The following CCSER2 variants were observed in gnomAD, a reference collection of about 807,000 sequenced individuals.
CCSER2 encodes serine-rich coiled-coil domain-containing protein 2.
CCSER2 carries 46 observed loss-of-function variants against 92.3 expected under a neutral mutation model. The ratio of observed to expected loss-of-function variants is 0.50; its 90% CI spans 0.39 to 0.64. CCSER2 has a LOEUF of 0.64. Ranked by LOEUF, CCSER2 falls within the 30% of genes least tolerant of loss-of-function variation. CCSER2 has a pLI of 0.00. For missense variants in CCSER2, 1,244 were observed against 1,238.9 expected (o/e 1.00, Z -0.06); for synonymous variants, 433 against 431.4 (o/e 1.00, Z -0.04).
At chr10:84,385,955 A>G (rs930701517) in intron 3 of CCSER2, among the ~76,000 whole-genome samples, 2 of 152,208 alleles carry the variant, frequency 1.3e-5, no homozygotes, top group Non-Finnish European at 2.9e-5. Flanking sequence ...AAGAAGACAT[A>G]CAAGCAGCCA....
chr10:84,481,627 C>T (rs541134921), intron 9 of CCSER2, among the ~76,000 whole-genome samples: 62 of 152,174 alleles, frequency 4.1e-4, no homozygotes, highest in African/African-American at 9.9e-4. Context: ...TTTCTACTAC[C>T]GTAGGGAGTT....
chr10:84,367,818 T>C (rs1845860260), intron 1 of CCSER2, among the ~76,000 whole-genome samples: 1 of 152,152 alleles, frequency 6.6e-6, no homozygotes. Flanking sequence ...GGCTTTTGTT[T>C]CATTAGATGC....
intron 1 of CCSER2, among the ~76,000 whole-genome samples, chr10:84,355,520 C>G (rs1845118986): frequency 6.6e-6 from 1 of 152,156 alleles, no homozygotes. Context: ...TTTTGTTCCC[C>G]CATGTGCTAC....
At chr10:84,410,097 C>G (rs1394731396) in intron 3 of CCSER2, among the ~76,000 whole-genome samples, 4 of 152,124 alleles carry the variant, frequency 2.6e-5, no homozygotes, top group African/African-American at 9.7e-5. Flanking sequence ...TGATCTCATT[C>G]CATTTTGTGG....
chr10:84,365,741 A>G (rs535420596), intron 1 of CCSER2, among the ~76,000 whole-genome samples: 4 of 152,186 alleles, frequency 2.6e-5, no homozygotes, highest in Non-Finnish European at 5.9e-5. Flanking sequence ...TAGGCAGGAA[A>G]ATAGAGGCAT....
chr10:84,444,620 C>G (rs1844795118), intron 6 of CCSER2, among the ~76,000 whole-genome samples: 1 of 152,096 alleles, frequency 6.6e-6, no homozygotes, highest in Admixed American at 6.6e-5. Flanking sequence ...TGAGGGACAG[C>G]AGGGAGAAGA....
intron 6 of CCSER2, among the ~76,000 whole-genome samples, chr10:84,454,430 G>A (rs1451159451): frequency 1.3e-5 from 2 of 152,200 alleles, no homozygotes; most frequent in Admixed American, 6.5e-5. Context: ...CATCATTCAA[G>A]CTAGTGCAGT....
At chr10:84,405,415 T>C (rs1459084654) in intron 3 of CCSER2, among the ~76,000 whole-genome samples, 1 of 152,184 alleles carries the variant, frequency 6.6e-6, no homozygotes, top group Non-Finnish European at 1.5e-5. Flanking sequence ...TGAAAAGTTA[T>C]TAGAAATTAT....
At chr10:84,475,928 G>A (rs1005672393) in intron 8 of CCSER2, among the ~76,000 whole-genome samples, 1 of 151,958 alleles carries the variant, frequency 6.6e-6, no homozygotes, top group African/African-American at 2.4e-5. Context: ...AACCTCCCAA[G>A]CTCAGGTGAT....
chr10:84,470,303 C>T, intron 7 of CCSER2, 69 bp from the exon 8 acceptor site: 1 of 899,982 alleles, frequency 1.1e-6, no homozygotes, highest in South Asian at 2.7e-5. Flanking sequence ...ACTGTGTCTT[C>T]ATCATTGATT....
chr10:84,459,746 A>G (rs968689208), intron 6 of CCSER2, among the ~76,000 whole-genome samples: 1 of 151,410 alleles, frequency 6.6e-6, no homozygotes, highest in African/African-American at 2.4e-5. Flanking sequence ...ATGGTCTTGA[A>G]CTCTTGGGCT....
rs145224894 is a variant in CCSER2, at chr10:84,435,089, T to G, written c.1869-3423T>G. ...TCAGTACTAAGAGAAAATACAGGGTTAATTTTGAATCTCATGGTGGAGGTA... is the reference window on the plus strand; with the variant it reads ...TCAGTACTAAGAGAAAATACAGGGTGAATTTTGAATCTCATGGTGGAGGTA... On this transcript the variant is annotated intron_variant, in intron 5 of 9. Coordinates refer to ENST00000372088, the MANE Select transcript of CCSER2 (RefSeq NM_001284240.2). 6.6e-5 allele frequency among the ~76,000 whole-genome samples: 10 copies of G among 152,308 alleles called. No individual in the cohort carries two copies. In the East Asian group the frequency reaches 1.7e-3, roughly 26 times the overall value.
At chr10:84,450,946 G>A (rs1025765119) in intron 6 of CCSER2, among the ~76,000 whole-genome samples, 1 of 152,194 alleles carries the variant, frequency 6.6e-6, no homozygotes, top group Non-Finnish European at 1.5e-5. Context: ...TACAATTTGA[G>A]TGTATGGTGT....
At chr10:84,331,273 G>A (rs192060977) in intron 1 of CCSER2, among the ~76,000 whole-genome samples, 1 of 152,170 alleles carries the variant, frequency 6.6e-6, no homozygotes, top group Non-Finnish European at 1.5e-5. Context: ...TTTTCAGAGG[G>A]AGTGCAAATC....
At chr10:84,495,724 T>A (rs1848410351) in intron 9 of CCSER2, among the ~76,000 whole-genome samples, 1 of 151,844 alleles carries the variant, frequency 6.6e-6, no homozygotes, top group African/African-American at 2.4e-5. Flanking sequence ...TGGGTATTCT[T>A]TTTGCTCTGA....
At chr10:84,410,316 C>T (rs148539321) in intron 3 of CCSER2, among the ~76,000 whole-genome samples, 8 of 152,024 alleles carry the variant, frequency 5.3e-5, no homozygotes, top group African/African-American at 1.9e-4. Context: ...CATGTCTGCC[C>T]CTAGGTCTTT....
intron 8 of CCSER2, among the ~76,000 whole-genome samples, chr10:84,474,662 CAAAAAAAAA>C (rs397844899): frequency 1.7e-4 from 11 of 65,856 alleles, no homozygotes; most frequent in Non-Finnish European, 2.6e-4. Context: ...GACTCCATCT[CAAAAAAAAA>C]AAAAAAAAAA....
chr10:84,391,911 A>C, intron 3 of CCSER2: 1 of 1,348,876 alleles, frequency 7.4e-7, no homozygotes, highest in Non-Finnish European at 1.1e-6. Flanking sequence ...TTAACCCAAA[A>C]GATGATCTCA....
chr10:84,338,850 C>T (rs907099052), intron 1 of CCSER2, among the ~76,000 whole-genome samples: 6 of 152,128 alleles, frequency 3.9e-5, no homozygotes, highest in African/African-American at 1.4e-4. Context: ...GCACATATTA[C>T]AGTTATAGCA....
Sources: gnomAD v4.1 joint callset for allele counts (sites outside exome capture counted in the v4.1 genomes callset) on GRCh38, gnomAD v4.1.1 for gene constraint, MANE v1.5 for transcripts, NCBI Gene and HGNC (gene_info 2026-07-23, HGNC 2026-07-21) for gene names.